GLI3: variants seen among roughly 807,000 people sequenced by gnomAD.
GLI3 encodes the protein GLI family zinc finger 3.
GLI3 carries 20 observed loss-of-function variants against 100.8 expected under a neutral mutation model. The ratio of observed to expected loss-of-function variants is 0.20; its 90% CI spans 0.14 to 0.29. The LOEUF is 0.29. Ranked by LOEUF, GLI3 falls within the 10% of genes least tolerant of loss-of-function variation. The probability of loss-of-function intolerance (pLI) is 1.00; values close to 1 mark genes in which losing one functional copy is unlikely to be tolerated. For synonymous variants in GLI3, 938 were observed against 860.5 expected (o/e 1.09, Z -1.58); for missense variants, 2,040 against 2,128.5 (o/e 0.96, Z 0.82).
intron 3 of GLI3, among the ~76,000 whole-genome samples, chr7:42,123,929 C>T (rs901664173): frequency 2.0e-5 from 3 of 152,222 alleles, no homozygotes; most frequent in Non-Finnish European, 4.4e-5. Context: ...CAAGATGCTA[C>T]ATGGTCACAC....
intron 1 of GLI3, among the ~76,000 whole-genome samples, chr7:42,256,624 G>T (rs1339688741): frequency 6.6e-6 from 1 of 152,124 alleles, no homozygotes; most frequent in Non-Finnish European, 1.5e-5. Context: ...ACTATCAAGT[G>T]TATTCCATTC....
chr7:42,144,447 A>G (rs1786652519), intron 3 of GLI3, among the ~76,000 whole-genome samples: 1 of 152,084 alleles, frequency 6.6e-6, no homozygotes, highest in Non-Finnish European at 1.5e-5. Context: ...GCGACCCTTC[A>G]TGAGAGAATA....
intron 2 of GLI3, chr7:42,151,235 C>T (rs973033505): frequency 1.2e-4 from 18 of 152,108 alleles, no homozygotes; most frequent in African/African-American, 4.3e-4. Context: ...TGAAGTTTAC[C>T]TCCTGTACCA....
In GLI3 at chr7:42,148,226, G is replaced by A. The variant is rs199909375; in HGVS notation, c.367C>T (p.His123Tyr). The A allele has an allele frequency of 3.5e-5, 57 of 1,608,322 alleles. No individual in the cohort carries two copies. Among genetic ancestry groups the A allele is most frequent in the East Asian group, 6.7e-5 (3 of 44,696 alleles). The stretch of plus-strand genomic sequence containing the variant: ...AGTGCCGACTGGCATGGGCACTTAC[G>A]GTAGTGGGGCTCCATGTAACCATTC... Reference protein sequence around the residue: ...PRNGYMEPHYHPPHLFPAFHP... With the variant: ...PRNGYMEPHYYPPHLFPAFHP... The change falls in exon 3 of 15, where the codon CAC becomes TAC. Residue 123 changes from histidine to tyrosine, a missense_variant and splice_region_variant. Physicochemically the swap from His to Tyr is moderately conservative, Grantham distance 83. Transcript: ENST00000395925.
At chr7:42,245,089 G>T (rs1226641465) in intron 1 of GLI3, among the ~76,000 whole-genome samples, 1 of 152,110 alleles carries the variant, frequency 6.6e-6, no homozygotes, top group East Asian at 1.9e-4. Flanking sequence ...CTTCACAAAA[G>T]GCTGTACTGG....
chr7:42,196,300 T>C (rs1050396160), intron 2 of GLI3, among the ~76,000 whole-genome samples: 20 of 152,212 alleles, frequency 1.3e-4, no homozygotes, highest in African/African-American at 4.3e-4. Flanking sequence ...GGCTAGAGAA[T>C]GTCAGTCAGC....
chr7:42,237,033 T>C lies in GLI3; in HGVS notation c.-105A>G, dbSNP rs945082850. 22 of 150,230 alleles carry C rather than the reference T, an allele frequency of 1.5e-4. No homozygotes were observed. The highest frequency in any genetic ancestry group is 9.9e-4 in the Admixed American group (15 of 15,120). 9.3% of individuals were successfully genotyped at this position (150,230 alleles called of 1,614,324 possible). On this transcript the variant is annotated 5_prime_UTR_variant, in exon 1 of 15. Transcript: ENST00000395925. ...ATAGACCCGCGGACGGGGCGCAGGC[T>C]GGCGGCTCCCCGCTCCGCGCGGCCG... is the stretch of plus-strand genomic sequence containing the variant.
At chr7:42,053,464 G>A (rs906134046) in intron 4 of GLI3, among the ~76,000 whole-genome samples, 4 of 152,234 alleles carry the variant, frequency 2.6e-5, no homozygotes, top group East Asian at 3.9e-4. Context: ...TGGAGAAGGC[G>A]GCCACAAAAT....
chr7:41,987,872 G>A (rs939307849), intron 10 of GLI3, among the ~76,000 whole-genome samples: 2 of 152,062 alleles, frequency 1.3e-5, no homozygotes, highest in Non-Finnish European at 2.9e-5. Flanking sequence ...AATTTATCTA[G>A]CTGACCCTCC....
chr7:41,972,350 G>A lies in GLI3; in HGVS notation c.2090C>T (p.Ala697Val), dbSNP rs1460224426. ...EECLQVKTVK[A>V]EKPMTSQPSP... is the part of the protein sequence containing the mutation. The stretch of plus-strand genomic sequence containing the variant: ...TGAATGACATACCATTGGCTTCTCT[G>A]CCTTGACGGTTTTCACCTGGAGGCA... Residue 697 changes from alanine (A) to valine (V), a missense_variant, in exon 13 of 15, where the codon GCA becomes GTA. Physicochemically the swap from Ala to Val is moderately conservative, Grantham distance 64. This residue lies in a region of GLI3 where 327 missense variants were observed against 338.7 expected (regional missense o/e 0.97). Coordinates refer to ENST00000395925, the MANE Select transcript of GLI3 (RefSeq NM_000168.6). The surrounding 1 kb of genome is among the most constrained non-coding windows in gnomAD (Gnocchi z 4.4). 2.5e-6 allele frequency: 4 copies of A among 1,613,972 alleles called. No homozygotes were observed. The highest frequency in any genetic ancestry group is 2.2e-5 in the East Asian group (1 of 44,864).
chr7:42,131,384 T>C (rs1283319522), intron 3 of GLI3, among the ~76,000 whole-genome samples: 3 of 152,072 alleles, frequency 2.0e-5, no homozygotes, highest in Non-Finnish European at 4.4e-5. Flanking sequence ...AAAAGCAACA[T>C]GATAGGTAGG....
At chr7:42,142,597 C>T (rs1186959233) in intron 3 of GLI3, among the ~76,000 whole-genome samples, 1 of 152,076 alleles carries the variant, frequency 6.6e-6, no homozygotes, top group Non-Finnish European at 1.5e-5. Context: ...GATACGCAGA[C>T]TCACGGTCGC....
At chr7:42,260,825 G>C (rs73098316) in intron 1 of GLI3, among the ~76,000 whole-genome samples, 16 of 152,270 alleles carry the variant, frequency 1.1e-4, no homozygotes, top group Non-Finnish European at 2.4e-4. Flanking sequence ...TTTCCTGATA[G>C]AGAGGGGGCA....
chr7:42,001,236 C>CA (rs10700047), intron 10 of GLI3, among the ~76,000 whole-genome samples: 37,128 of 85,250 alleles, frequency 0.44, 9,029 homozygotes, highest in African/African-American at 0.7. Context: ...GACTATGTCT[C>CA]AAAAAAAAAA....
At chr7:42,141,801 T>C (rs866211562) in intron 3 of GLI3, among the ~76,000 whole-genome samples, 14 of 152,218 alleles carry the variant, frequency 9.2e-5, no homozygotes, top group African/African-American at 2.4e-4. Flanking sequence ...AATAACTAAA[T>C]TGTAGAAGGG....
chr7:42,146,892 T>A (rs575068677), intron 3 of GLI3, among the ~76,000 whole-genome samples: 1 of 152,206 alleles, frequency 6.6e-6, no homozygotes, highest in Non-Finnish European at 1.5e-5. Context: ...AAACCCTGAA[T>A]GAAGGAAGGA....
intron 1 of GLI3, among the ~76,000 whole-genome samples, chr7:42,257,058 C>T (rs1789092073): frequency 6.6e-6 from 1 of 151,876 alleles, no homozygotes; most frequent in African/African-American, 2.4e-5. Flanking sequence ...ATTTTTTAAA[C>T]TTTATTTTAA....
chr7:42,201,679 T>A (rs774800548), intron 2 of GLI3, among the ~76,000 whole-genome samples: 8 of 152,152 alleles, frequency 5.3e-5, no homozygotes, highest in Non-Finnish European at 1.2e-4. Context: ...AGCCTGTTGC[T>A]CCCAGGATAC....
At position 41,972,253 on chromosome 7, in the gene GLI3, C is replaced by T. The variant is rs112423513; in HGVS notation, c.2103+84G>A. 10 of 1,247,788 alleles carry T rather than the reference C, an allele frequency of 8.0e-6. No individual in the cohort carries two copies. Among genetic ancestry groups the T allele is most frequent in the East Asian group, 2.3e-5 (1 of 43,198 alleles). 77.3% of individuals were successfully genotyped at this position (1,247,788 alleles called of 1,614,324 possible). On this transcript the variant is annotated intron_variant, in intron 13 of 14. Coordinates refer to ENST00000395925, the MANE Select transcript of GLI3 (RefSeq NM_000168.6). This position sits in a 1 kb window ranked among gnomAD's most constrained non-coding sequence, Gnocchi z 4.4. ...AGAGACAGCCTGACACAGTGAGGACCGGGAAGTCCTGTCCCTCTATGCACC... is the reference window on the plus strand; with the variant it reads ...AGAGACAGCCTGACACAGTGAGGACTGGGAAGTCCTGTCCCTCTATGCACC...
Sources: gnomAD v4.1 joint callset for allele counts (sites outside exome capture counted in the v4.1 genomes callset) on GRCh38, gnomAD v4.1.1 for gene constraint, gnomAD v4.1.1 regional missense constraint, Gnocchi (gnomAD v3.1) non-coding constraint, MANE v1.5 for transcripts, NCBI Gene and HGNC (gene_info 2026-07-23, HGNC 2026-07-21) for gene names.